Variants in TAF4 observed in about 807,000 individuals in gnomAD.
TAF4 encodes TATA-box binding protein associated factor 4, also known as transcription initiation factor TFIID subunit 4.
A neutral mutation model predicts 90.3 loss-of-function variants in TAF4; 9 were observed. The ratio of observed to expected loss-of-function variants is 0.10; its 90% CI spans 0.06 to 0.17. The LOEUF (loss-of-function observed/expected upper bound fraction) is 0.17. Among genes scored for constraint, TAF4 ranks in the 10% least tolerant of loss-of-function variants. The pLI is 1.00. For synonymous variants in TAF4, 818 were observed against 638.9 expected (o/e 1.28, Z -4.23); for missense variants, 1,351 against 1,370.7 (o/e 0.99, Z 0.23).
Position 61,975,536 on chromosome 20 carries a change from C to A in TAF4, c.*632G>T, listed in dbSNP as rs994298805. On this transcript the variant is annotated 3_prime_UTR_variant, in exon 15 of 15. Coordinates refer to ENST00000252996, the MANE Select transcript of TAF4 (RefSeq NM_003185.4). ...ATGCTGACCACACATTCAGAAGGAGCCACCTTTGCTGGGCTCGGCCTCTAC... is the reference window on the plus strand; with the variant it reads ...ATGCTGACCACACATTCAGAAGGAGACACCTTTGCTGGGCTCGGCCTCTAC... The A allele has an allele frequency of 6.6e-6, 1 of 152,158 alleles. No homozygotes were observed. The highest frequency in any genetic ancestry group is 2.4e-5 in the African/African-American group (1 of 41,262). 9.4% of individuals were successfully genotyped at this position (152,158 alleles called of 1,614,324 possible).
In TAF4 at chr20:61,997,586, C is replaced by T. The variant is rs1306099575; in HGVS notation, c.3054G>A (p.Arg1018=). ...AGCCCGGCCCCGGACAGTCCACTTT[C>T]CTCTTTTTCCTGGGCCCGATCGCTG... ...ALAAIGPRKK[R]KVDCPGPGSG... is the part of the protein sequence containing the mutation. Residue 1018 remains arginine, a synonymous_variant, in exon 14 of 15, where the codon AGG becomes AGA. Coordinates refer to ENST00000252996, the MANE Select transcript of TAF4 (RefSeq NM_003185.4). 11 of 1,613,754 alleles carry T rather than the reference C, an allele frequency of 6.8e-6. No individual in the cohort carries two copies. The South Asian group carries it at 1.1e-4, about 16-fold the overall frequency.
chr20:62,064,789 C>G lies in TAF4; in HGVS notation c.1022G>C (p.Gly341Ala). 1.9e-5 allele frequency: 20 copies of G among 1,055,370 alleles called. No homozygotes were observed. The highest frequency in any genetic ancestry group is 2.3e-5 in the Non-Finnish European group (20 of 876,668). The allele number at this position is 1,055,370 out of a possible 1,614,324, so 65.4% of individuals were successfully genotyped here. The change falls in exon 1 of 15, where the codon GGG becomes GCG. Residue 341 changes from glycine (G) to alanine (A), a missense_variant. Physicochemically the swap from Gly to Ala is moderately conservative, Grantham distance 60 (BLOSUM62 0). This residue lies in a region of TAF4 where 782 missense variants were observed against 536.6 expected (regional missense o/e 1.46). Coordinates refer to ENST00000252996, the MANE Select transcript of TAF4 (RefSeq NM_003185.4). Reference protein sequence around the residue: ...PGAAAAAPAPGVKAESPKRVV... With the variant: ...PGAAAAAPAPAVKAESPKRVV... ...CCTCTTGGGCGACTCGGCCTTGACC[C>G]CCGGCGCCGGCGCCGCAGCCGCCGC...
At chr20:62,014,019 G>GTGTGT (rs2055796981) in intron 2 of TAF4, among the ~76,000 whole-genome samples, 3 of 126,468 alleles carry the variant, frequency 2.4e-5, no homozygotes, top group East Asian at 5.1e-4. Context: ...CGGGGGTGTG[G>GTGTGT]GTGTGTGTGT....
At chr20:61,997,177 T>G (rs2055668649) in intron 14 of TAF4, among the ~76,000 whole-genome samples, 1 of 152,180 alleles carries the variant, frequency 6.6e-6, no homozygotes, top group Admixed American at 6.5e-5. Context: ...TCCCCTTCAT[T>G]CCACGAACTG....
At chr20:62,043,447 T>G (rs1198647060) in intron 1 of TAF4, among the ~76,000 whole-genome samples, 1 of 152,222 alleles carries the variant, frequency 6.6e-6, no homozygotes, top group Non-Finnish European at 1.5e-5. Context: ...AGGTTATTAC[T>G]GAAGAAAGAA....
At chr20:62,001,268 G>A (rs970214279) in intron 9 of TAF4, among the ~76,000 whole-genome samples, 5 of 152,052 alleles carry the variant, frequency 3.3e-5, no homozygotes, top group South Asian at 2.1e-4. Context: ...GCCCTCCCCC[G>A]TAGGACCCGG....
At chr20:62,053,598 C>T (rs140455001) in intron 1 of TAF4, among the ~76,000 whole-genome samples, 10 of 152,338 alleles carry the variant, frequency 6.6e-5, no homozygotes, top group African/African-American at 2.4e-4. Flanking sequence ...CAGCACTCCC[C>T]AAGCAACTCC....
rs747450001 is a variant in TAF4 at position 62,064,743 on chromosome 20, C to T, written c.1068G>A (p.Pro356=). 3.4e-6 allele frequency: 4 copies of T among 1,168,536 alleles called. No individual in the cohort carries two copies. The highest frequency in any genetic ancestry group is 3.1e-6 in the Non-Finnish European group (3 of 952,662). 72.4% of individuals were successfully genotyped at this position (1,168,536 alleles called of 1,614,324 possible). The part of the protein sequence containing the change: ...SPKRVVQAAP[P]AAQTLAASGP... ...CGCTGGCCGCCAGGGTCTGCGCCGC[C>T]GGGGGCGCCGCCTGCACCACCCTCT... The change falls in exon 1 of 15, where the codon CCG becomes CCA. Residue 356 remains proline (P), a synonymous_variant. Transcript: ENST00000252996.
chr20:61,985,924 G>GCACCATCCCCGACCAAAGGAAC (rs2055587322), intron 14 of TAF4, among the ~76,000 whole-genome samples: 6 of 113,644 alleles, frequency 5.3e-5, no homozygotes, highest in Middle Eastern at 0.012. Flanking sequence ...ACCAAAGGAA[G>GCACCATCCCCGACCAAAGGAAC]CACCATCCCC....
intron 9 of TAF4, 147 bp downstream of exon 9, chr20:62,003,013 T>C: frequency 1.6e-6 from 1 of 609,242 alleles, no homozygotes; most frequent in Non-Finnish European, 2.9e-6. Context: ...GAACGTGAGG[T>C]CAAAGTGAGC....
At chr20:62,034,851 C>T (rs983520914) in intron 1 of TAF4, among the ~76,000 whole-genome samples, 10 of 118,054 alleles carry the variant, frequency 8.5e-5, no homozygotes, top group Non-Finnish European at 1.4e-4. Flanking sequence ...GATGGAGTCT[C>T]GCTCTGTCAC....
chr20:62,042,353 C>T (rs984338428), intron 1 of TAF4, among the ~76,000 whole-genome samples: 1 of 152,238 alleles, frequency 6.6e-6, no homozygotes, highest in Admixed American at 6.5e-5. Flanking sequence ...ACCTCCATCA[C>T]TCAATAAAAT....
intron 14 of TAF4, among the ~76,000 whole-genome samples, chr20:61,994,411 T>A (rs1183850744): frequency 1.3e-5 from 2 of 152,218 alleles, no homozygotes; most frequent in African/African-American, 4.8e-5. Context: ...CAGAGAAGAA[T>A]CCCCCTATTT....
chr20:62,046,057 C>T (rs1334245453), intron 1 of TAF4, among the ~76,000 whole-genome samples: 3 of 152,230 alleles, frequency 2.0e-5, no homozygotes, highest in Non-Finnish European at 2.9e-5. Flanking sequence ...TGAAAGCCCT[C>T]GCTCTGCGGT....
Position 62,064,497 on chromosome 20 carries a change from C to G in TAF4, c.1314G>C (p.Gln438His). 1.3e-6 allele frequency: 2 copies of G among 1,516,862 alleles called. No homozygotes were observed. Among genetic ancestry groups the G allele is most frequent in the Non-Finnish European group, 1.8e-6 (2 of 1,134,072 alleles). 94.0% of individuals were successfully genotyped at this position (1,516,862 alleles called of 1,614,324 possible). The change falls in exon 1 of 15, where the codon CAG (glutamine) becomes CAC (histidine). Residue 438 changes from glutamine (Q) to histidine (H), a missense_variant. By Grantham distance (24) the Gln-to-His change is conservative (BLOSUM62 0). This residue lies in a region of TAF4 where 782 missense variants were observed against 536.6 expected (regional missense o/e 1.46). Coordinates refer to ENST00000252996, the MANE Select transcript of TAF4 (RefSeq NM_003185.4). ...GGATGTTGGTCGGGTTCTGAGGCGG[C>G]TGCGGCAAGCGGGGGGCCAGCACGG... ...TPTVLAPRLP[Q>H]PPQNPTNIQN...
intron 1 of TAF4, among the ~76,000 whole-genome samples, chr20:62,039,777 T>TA: frequency 6.6e-6 from 1 of 152,352 alleles, no homozygotes; most frequent in Non-Finnish European, 1.5e-5. Context: ...AAATACATTT[T>TA]AAACTCTTAC....
intron 1 of TAF4, among the ~76,000 whole-genome samples, chr20:62,014,982 C>T (rs546840391): frequency 6.6e-6 from 1 of 152,338 alleles, no homozygotes; most frequent in South Asian, 2.1e-4. Flanking sequence ...GTAGCAATGG[C>T]TTCCACCGGC....
intron 14 of TAF4, chr20:61,980,989 T>C (rs964396257): frequency 6.6e-6 from 1 of 151,476 alleles, no homozygotes; most frequent in Non-Finnish European, 1.5e-5. Context: ...CGGGAAGGGG[T>C]TGTCAAGGCA....
chr20:62,055,412 G>A (rs529680872), intron 1 of TAF4, among the ~76,000 whole-genome samples: 2 of 151,916 alleles, frequency 1.3e-5, no homozygotes, highest in East Asian at 3.9e-4. Flanking sequence ...GCAGTCCTGT[G>A]ATATAATCAA....
Sources: allele counts gnomAD v4.1 joint callset (sites outside exome capture counted in the v4.1 genomes callset), GRCh38; gene constraint gnomAD v4.1.1; regional missense constraint gnomAD v4.1.1; transcripts MANE v1.5; gene names NCBI Gene and HGNC (gene_info 2026-07-23, HGNC 2026-07-21).